GBA1: variants seen among roughly 807,000 people sequenced by gnomAD.
GBA1 encodes lysosomal acid glucosylceramidase.
the GBA1 span, chr1:155,236,138 C>T: frequency 2.0e-6 from 2 of 1,012,840 alleles, no homozygotes; most frequent in Middle Eastern, 2.0e-4. Flanking sequence ...CTCAAAAGGG[C>T]AGGCTAGCTG....
the GBA1 span, chr1:155,235,144 G>T: frequency 6.8e-7 from 1 of 1,470,358 alleles, no homozygotes; most frequent in Non-Finnish European, 9.5e-7. Flanking sequence ...TCCTGCCAAG[G>T]CCCCCAACGC....
At chr1:155,237,298 G>A in the GBA1 span, 3 of 1,613,646 alleles carry the variant, frequency 1.9e-6, no homozygotes, top group Non-Finnish European at 2.5e-6. Flanking sequence ...TTTGGATGCT[G>A]GATTTGAAGG....
chr1:155,236,837 A>G, the GBA1 span, among the ~76,000 whole-genome samples: 1 of 152,002 alleles, frequency 6.6e-6, no homozygotes, highest in Non-Finnish European at 1.5e-5. Flanking sequence ...ACATACATAC[A>G]TGAACCACCA....
chr1:155,235,951 T>C, the GBA1 span: 4 of 1,277,434 alleles, frequency 3.1e-6, no homozygotes, highest in South Asian at 2.4e-5. Flanking sequence ...AGGTCAGCCC[T>C]GTGAGGGGCA....
At chr1:155,240,144 GGA>G in the GBA1 span, 1 of 1,442,288 alleles carries the variant, frequency 6.9e-7, no homozygotes, top group Non-Finnish European at 9.7e-7. Context: ...ACATCTGCTA[GGA>G]GAGACTGAAC....
chr1:155,236,480 A>C, the GBA1 span: 3 of 1,602,122 alleles, frequency 1.9e-6, no homozygotes, highest in African/African-American at 4.0e-5. Context: ...CTGCAAAGGA[A>C]GAGCAACTGA....
At chr1:155,239,571 A>G in the GBA1 span, 4 of 1,611,534 alleles carry the variant, frequency 2.5e-6, no homozygotes, top group Non-Finnish European at 2.5e-6. Flanking sequence ...AAGAAAAACG[A>G]AAAGTTTCAA....
At chr1:155,236,323 C>T in the GBA1 span, 1 of 1,614,172 alleles carries the variant, frequency 6.2e-7, no homozygotes, top group Non-Finnish European at 8.5e-7. Context: ...ACTTGGAGCC[C>T]ACACAGGCCT....
the GBA1 span, chr1:155,235,722 C>T: frequency 2.7e-5 from 44 of 1,613,170 alleles, no homozygotes; most frequent in African/African-American, 4.0e-5. Flanking sequence ...GTTTGTAAAA[C>T]GTGTCCTTGG....
chr1:155,243,345 A>G, the GBA1 span, among the ~76,000 whole-genome samples: 2 of 152,172 alleles, frequency 1.3e-5, no homozygotes, highest in Admixed American at 6.5e-5. Context: ...CATCTCACAG[A>G]TATTTCCTGA....
chr1:155,241,946 G>C, the GBA1 span, among the ~76,000 whole-genome samples: 1 of 152,152 alleles, frequency 6.6e-6, no homozygotes, highest in Non-Finnish European at 1.5e-5. Context: ...TTGTAAAGTC[G>C]TTCAAAAACC....
the GBA1 span, among the ~76,000 whole-genome samples, chr1:155,239,123 C>G: frequency 6.6e-6 from 1 of 151,464 alleles, no homozygotes; most frequent in Non-Finnish European, 1.5e-5. Flanking sequence ...GAGGCTGAGA[C>G]AGGAGAATCA....
At chr1:155,242,211 T>C in the GBA1 span, among the ~76,000 whole-genome samples, 3 of 152,138 alleles carry the variant, frequency 2.0e-5, no homozygotes, top group Non-Finnish European at 4.4e-5. Flanking sequence ...ACTTGTCTCT[T>C]GTTTGTATTT....
chr1:155,242,130 C>T, the GBA1 span, among the ~76,000 whole-genome samples: 1 of 152,192 alleles, frequency 6.6e-6, no homozygotes, highest in African/African-American at 2.4e-5. Context: ...AATGCCACAA[C>T]CTCAAAGGGT....
chr1:155,241,890 T>G, the GBA1 span, among the ~76,000 whole-genome samples: 1 of 152,198 alleles, frequency 6.6e-6, no homozygotes, highest in Non-Finnish European at 1.5e-5. Flanking sequence ...CATCATCAGA[T>G]GCAGATGGTA....
chr1:155,237,239 G>A, the GBA1 span: 38,014 of 1,585,858 alleles, frequency 0.024, 559 homozygotes, highest in Non-Finnish European at 0.028. Context: ...TGGTGCTCTA[G>A]GAATCCATAG....
At chr1:155,236,135 G>C in the GBA1 span, 1 of 990,252 alleles carries the variant, frequency 1.0e-6, no homozygotes, top group South Asian at 1.4e-5. Context: ...TTGCTCAAAA[G>C]GGCAGGCTAG....
At chr1:155,236,666 C>T in the GBA1 span, among the ~76,000 whole-genome samples, 6 of 152,036 alleles carry the variant, frequency 3.9e-5, no homozygotes, top group African/African-American at 1.2e-4. Flanking sequence ...CGACTCACTG[C>T]AGCCTTGACT....
At chr1:155,236,400 C>T in the GBA1 span, 3 of 1,614,142 alleles carry the variant, frequency 1.9e-6, no homozygotes, top group Non-Finnish European at 2.5e-6. Flanking sequence ...TTGGCTGGAG[C>T]CAGAAAGTCC....
Sources: gnomAD v4.1 joint callset for allele counts (sites outside exome capture counted in the v4.1 genomes callset) on GRCh38, gnomAD v4.1.1 for gene constraint, MANE v1.5 for transcripts, NCBI Gene and HGNC (gene_info 2026-07-23, HGNC 2026-07-21) for gene names.